CA5B: variants seen among roughly 807,000 people sequenced by gnomAD.
CA5B encodes the protein carbonic anhydrase 5B, also known as carbonic anhydrase 5B, mitochondrial.
CA5B carries 15 observed loss-of-function variants against 23.1 expected under a neutral mutation model. That is an observed-to-expected ratio of 0.65 (90% confidence interval 0.43 to 1.00). CA5B has a LOEUF of 1.00. Ranked by LOEUF, CA5B falls within the 50% of genes least tolerant of loss-of-function variation. The probability of loss-of-function intolerance (pLI) is 0.00; values close to 1 mark genes in which losing one functional copy is unlikely to be tolerated. For missense variants in CA5B, 236 were observed against 252.2 expected, an observed-to-expected ratio of 0.94 and a Z score of 0.43; for synonymous variants, 84 against 98.5, an observed-to-expected ratio of 0.85 and a Z score of 0.87.
chrX:15,774,450 TAGAAC>T (rs1931880803), intron 5 of CA5B, 53 bp downstream of exon 5: 3 of 962,951 alleles, frequency 3.1e-6, no homozygotes, highest in Non-Finnish European at 1.5e-6. Context: ...GATGAAAAGA[TAGAAC>T]AGTATAATAT....
Position 15,770,542 on chromosome X carries a change from C to T in CA5B, c.341-1954C>T, listed in dbSNP as rs138974240. ...AAGTGATCCTCCCACCTTGGCCTCC[C>T]GGAGTGCTAGGATTACAGGTGTGAG... On this transcript the variant is annotated intron_variant, in intron 3 of 7. Coordinates refer to ENST00000318636, the MANE Select transcript of CA5B (RefSeq NM_007220.4). Among the ~76,000 whole-genome samples, 497 of 109,480 alleles carry T rather than the reference C, an allele frequency of 4.5e-3. 6 individuals carry two copies. Among genetic ancestry groups the T allele is most frequent in the African/African-American group, 0.016 (480 of 30,080 alleles).
chrX:15,770,899 C>A (rs1241845306), intron 3 of CA5B, among the ~76,000 whole-genome samples: 1 of 109,928 alleles, frequency 9.1e-6, no homozygotes, highest in Non-Finnish European at 1.9e-5. Context: ...TCCCGAGGAG[C>A]TGGGACTACA....
intron 2 of CA5B, among the ~76,000 whole-genome samples, chrX:15,751,718 G>GA (rs768231567): frequency 2.7e-5 from 3 of 110,882 alleles, no homozygotes; most frequent in South Asian, 3.8e-4. Flanking sequence ...AAGTTACTAG[G>GA]AAAAACAGGG....
At chrX:15,769,511 G>A in intron 3 of CA5B, 1 of 751,528 alleles carries the variant, frequency 1.3e-6, no homozygotes, top group Non-Finnish European at 1.6e-6. Flanking sequence ...GAGATGGAGA[G>A]GTGAGTGCCT....
At chrX:15,750,332 C>T in intron 2 of CA5B, 167 bp downstream of exon 2, 1 of 422,843 alleles carries the variant, frequency 2.4e-6, no homozygotes, top group East Asian at 3.8e-5. Flanking sequence ...TGTAGCTATG[C>T]TGTCTTTGGC....
At chrX:15,747,952 A>G (rs866883808) in intron 1 of CA5B, among the ~76,000 whole-genome samples, 4 of 107,527 alleles carry the variant, frequency 3.7e-5, no homozygotes, top group Non-Finnish European at 7.5e-5. Context: ...TCTCTCTTGC[A>G]AGAGAGGCGT....
At chrX:15,770,790 AAG>A (rs1931802334) in intron 3 of CA5B, among the ~76,000 whole-genome samples, 1 of 107,572 alleles carries the variant, frequency 9.3e-6, no homozygotes, top group Admixed American at 1.0e-4. Flanking sequence ...ATTTTTTAGA[AAG>A]AGTCTTTCTC....
rs192503238 is a variant in CA5B, at chrX:15,752,802, G to T, written c.142+2637G>T. Among the ~76,000 whole-genome samples the T allele has an allele frequency of 4.5e-5, 5 of 110,539 alleles. No individual in the cohort carries two copies. The East Asian group carries it at 1.1e-3, about 25-fold the overall frequency. ...TCCCAATCCTAAAGAGATTAACTAA[G>T]ATCTGAATAGGAAATATTTCTCATC... On this transcript the variant is annotated intron_variant, in intron 2 of 7. Coordinates refer to ENST00000318636, the MANE Select transcript of CA5B (RefSeq NM_007220.4).
intron 2 of CA5B, among the ~76,000 whole-genome samples, chrX:15,753,852 G>C (rs1931434936): frequency 8.9e-6 from 1 of 112,454 alleles, no homozygotes; most frequent in South Asian, 3.7e-4. Context: ...GAGGTTCCAG[G>C]TGAGCTGAGA....
In CA5B at chrX:15,774,359, G is replaced by A. The variant is rs1438267108; in HGVS notation, c.517G>A (p.Glu173Lys). ...RFENFEDAAL[E>K]ENGLAVIGVF... ...TGAAAACTTTGAGGATGCAGCACTG[G>A]AAGAAAATGGTTTGGCTGTGATAGG... The change falls in exon 5 of 8, where the codon GAA becomes AAA. Residue 173 changes from glutamate (E) to lysine (K), a missense_variant. Physicochemically the swap from Glu to Lys is moderately conservative, Grantham distance 56. This residue lies in a region of CA5B where 170 missense variants were observed against 162.0 expected (regional missense o/e 1.05). Transcript: ENST00000318636. The A allele has an allele frequency of 8.3e-7, 1 of 1,205,731 alleles. No homozygotes were observed. Among genetic ancestry groups the A allele is most frequent in the Non-Finnish European group, 1.1e-6 (1 of 893,278 alleles).
chrX:15,775,727 C>G (rs376777493), intron 6 of CA5B: 32 of 753,195 alleles, frequency 4.2e-5, no homozygotes, highest in Middle Eastern at 7.6e-4. Context: ...TGCCTTTGTC[C>G]AGTCCCCCAA....
At chrX:15,766,596 T>C (rs1431319678) in intron 3 of CA5B, among the ~76,000 whole-genome samples, 2 of 111,836 alleles carry the variant, frequency 1.8e-5, no homozygotes, top group African/African-American at 6.5e-5. Context: ...ATGTGTTTCA[T>C]TATATTGTTT....
At chrX:15,766,413 C>T (rs1931711116) in intron 3 of CA5B, among the ~76,000 whole-genome samples, 1 of 111,274 alleles carries the variant, frequency 9.0e-6, no homozygotes, top group African/African-American at 3.3e-5. Context: ...TTCCATGTCC[C>T]CAACTTTCCT....
intron 5 of CA5B, 136 bp downstream of exon 5, chrX:15,774,533 T>C (rs1447482968): frequency 3.7e-6 from 3 of 811,927 alleles, no homozygotes; most frequent in Non-Finnish European, 5.1e-6. Flanking sequence ...AGTACAGGAT[T>C]GTTAAGAATA....
chrX:15,771,043 C>T (rs1397917984), intron 3 of CA5B, among the ~76,000 whole-genome samples: 2 of 107,028 alleles, frequency 1.9e-5, no homozygotes, highest in Admixed American at 2.0e-4. Flanking sequence ...GCTAGGATTA[C>T]AGGCATGAGC....
intron 3 of CA5B, among the ~76,000 whole-genome samples, chrX:15,766,636 A>G (rs896383683): frequency 5.4e-5 from 6 of 112,011 alleles, no homozygotes; most frequent in Admixed American, 9.5e-5. Flanking sequence ...TTACTATACA[A>G]GTAAAAGCTT....
At chrX:15,749,917 C>T in intron 1 of CA5B, 54 bp from the exon 2 acceptor site, 1 of 954,587 alleles carries the variant, frequency 1.0e-6, no homozygotes, top group South Asian at 2.3e-5. Context: ...GTTTCTCCAT[C>T]ATCTTAAGTT....
intron 5 of CA5B, among the ~76,000 whole-genome samples, 164 bp from the exon 6 acceptor site, chrX:15,775,082 C>T (rs1276331847): frequency 8.9e-6 from 1 of 112,892 alleles, no homozygotes; most frequent in Non-Finnish European, 1.9e-5. Context: ...TAATTTAATT[C>T]AGTAATGTTT....
chrX:15,780,439 A>G (rs755311057), intron 7 of CA5B, among the ~76,000 whole-genome samples: 1 of 109,759 alleles, frequency 9.1e-6, no homozygotes, highest in African/African-American at 3.3e-5. Flanking sequence ...CGCCTGGCTA[A>G]TTTTTTGTAT....
Sources: gnomAD v4.1 joint callset for allele counts (sites outside exome capture counted in the v4.1 genomes callset) on GRCh38, gnomAD v4.1.1 for gene constraint, gnomAD v4.1.1 regional missense constraint, MANE v1.5 for transcripts, NCBI Gene and HGNC (gene_info 2026-07-23, HGNC 2026-07-21) for gene names.